Variants in STPG2 observed in about 807,000 individuals in gnomAD.
STPG2 encodes the protein sperm-tail PG-rich repeat-containing protein 2.
STPG2 carries 56 observed loss-of-function variants against 54.2 expected under a neutral mutation model. That is an observed-to-expected ratio of 1.03 (90% CI 0.83 to 1.29). STPG2 has a LOEUF of 1.29. Among genes scored for constraint, STPG2 ranks in the 50% most tolerant of loss-of-function variants. The probability of loss-of-function intolerance (pLI) is 0.00; values close to 1 mark genes in which losing one functional copy is unlikely to be tolerated. For missense variants in STPG2, 596 were observed against 544.9 expected, an observed-to-expected ratio of 1.09 and a Z score of -0.93; for synonymous variants, 200 against 181.8, an observed-to-expected ratio of 1.10 and a Z score of -0.81.
chr4:97,562,250 A>G (rs903297331), intron 10 of STPG2, among the ~76,000 whole-genome samples: 2 of 151,962 alleles, frequency 1.3e-5, no homozygotes, highest in Admixed American at 6.6e-5. Context: ...TTTGTCTGTT[A>G]TTGGTGTATA....
chr4:97,866,137 T>C (rs1391235043), intron 8 of STPG2, among the ~76,000 whole-genome samples: 1 of 151,786 alleles, frequency 6.6e-6, no homozygotes, highest in African/African-American at 2.4e-5. Context: ...TGGTTAGTGG[T>C]AAAAATATGG....
chr4:97,947,085 T>C (rs563358326), intron 7 of STPG2, among the ~76,000 whole-genome samples: 17 of 152,268 alleles, frequency 1.1e-4, no homozygotes, highest in Non-Finnish European at 2.2e-4. Context: ...TGTTTTGTAG[T>C]TCTCCTTGTA....
intron 9 of STPG2, among the ~76,000 whole-genome samples, chr4:97,715,934 C>T (rs1448890618): frequency 6.6e-6 from 1 of 152,136 alleles, no homozygotes; most frequent in Non-Finnish European, 1.5e-5. Flanking sequence ...AAAATTTTTG[C>T]AATCTACCCA....
chr4:97,691,841 C>T (rs2148989186), intron 10 of STPG2, among the ~76,000 whole-genome samples: 1 of 152,264 alleles, frequency 6.6e-6, no homozygotes, highest in Non-Finnish European at 1.5e-5. Context: ...CCATGGCTGA[C>T]AGACGTGAAG....
chr4:97,560,276 C>T (rs1273229686), intron 10 of STPG2, among the ~76,000 whole-genome samples: 1 of 152,134 alleles, frequency 6.6e-6, no homozygotes, highest in Non-Finnish European at 1.5e-5. Flanking sequence ...TGAAATATAA[C>T]TAGGAAAATT....
At chr4:98,046,566 G>C (rs1266465594) in intron 5 of STPG2, among the ~76,000 whole-genome samples, 1 of 152,142 alleles carries the variant, frequency 6.6e-6, no homozygotes, top group Non-Finnish European at 1.5e-5. Context: ...TCCCCCAGGA[G>C]ATTAGGGTGT....
chr4:97,686,218 T>G (rs2148983856), intron 10 of STPG2, among the ~76,000 whole-genome samples: 1 of 152,008 alleles, frequency 6.6e-6, no homozygotes, highest in South Asian at 2.1e-4. Context: ...TCTTCCAAGA[T>G]GCTCCTTTCC....
intron 9 of STPG2, among the ~76,000 whole-genome samples, chr4:97,808,769 T>C (rs1578583375): frequency 7.0e-6 from 1 of 142,286 alleles, no homozygotes; most frequent in South Asian, 2.2e-4. Flanking sequence ...AAGAAAAAAA[T>C]GTCAAAAAAG....
chr4:98,026,093 T>C, intron 5 of STPG2: 1 of 1,371,746 alleles, frequency 7.3e-7, no homozygotes, highest in Non-Finnish European at 1.0e-6. Context: ...GATGGAGATG[T>C]ATAGGAAAGC....
intron 9 of STPG2, among the ~76,000 whole-genome samples, chr4:97,748,984 C>A (rs1725500690): frequency 6.6e-6 from 1 of 151,556 alleles, no homozygotes; most frequent in African/African-American, 2.4e-5. Context: ...ATTTCATATA[C>A]ACCCTGGGCT....
intron 9 of STPG2, among the ~76,000 whole-genome samples, chr4:97,839,860 G>C (rs1728743880): frequency 6.6e-6 from 1 of 151,506 alleles, no homozygotes; most frequent in Non-Finnish European, 1.5e-5. Context: ...GGAAAAAAGA[G>C]TTTCTTCATT....
At chr4:97,795,247 G>A (rs2149083976) in intron 9 of STPG2, among the ~76,000 whole-genome samples, 1 of 152,160 alleles carries the variant, frequency 6.6e-6, no homozygotes, top group South Asian at 2.1e-4. Context: ...TGCACCACGT[G>A]CAGGTTTGTT....
chr4:97,894,541 G>A (rs1730889265), intron 8 of STPG2, among the ~76,000 whole-genome samples: 1 of 151,794 alleles, frequency 6.6e-6, no homozygotes, highest in Non-Finnish European at 1.5e-5. Context: ...TTTCTGATGG[G>A]TTCAACTTTT....
intron 9 of STPG2, among the ~76,000 whole-genome samples, chr4:97,763,820 G>A (rs530338496): frequency 6.6e-6 from 1 of 152,208 alleles, no homozygotes; most frequent in Admixed American, 6.5e-5. Flanking sequence ...TATTTCTATT[G>A]ATTTTTCTTG....
Position 97,558,967 on chromosome 4 carries a change from C to G in STPG2, c.*91G>C. On this transcript the variant is annotated 3_prime_UTR_variant, in exon 11 of 11. Coordinates refer to ENST00000295268, the MANE Select transcript of STPG2 (RefSeq NM_174952.3). Reference sequence around the variant, plus strand: ...ACAAGTGAAAATTATGCTTTTATTACTCCTATATTTGGAATAAATTTTGTT... The same window carrying G: ...ACAAGTGAAAATTATGCTTTTATTAGTCCTATATTTGGAATAAATTTTGTT... The G allele has an allele frequency of 2.9e-6, 3 of 1,030,940 alleles. No individual in the cohort carries two copies. In the South Asian group the frequency reaches 4.3e-5, roughly 15 times the overall value. The allele number at this position is 1,030,940 out of a possible 1,614,324, so 63.9% of individuals were successfully genotyped here.
intron 4 of STPG2, among the ~76,000 whole-genome samples, chr4:97,461,894 A>G (rs1729673291): frequency 6.6e-6 from 1 of 152,022 alleles, no homozygotes; most frequent in Admixed American, 6.6e-5. Context: ...TCTCTGTGTC[A>G]TGCCCTTCCA....
intron 1 of STPG2, among the ~76,000 whole-genome samples, chr4:98,141,878 C>T (rs1326297034): frequency 7.3e-6 from 1 of 137,850 alleles, no homozygotes; most frequent in African/African-American, 2.8e-5. Context: ...CCTGATTCGG[C>T]ATTTAACAAA....
chr4:97,947,837 T>G (rs995405075), intron 7 of STPG2, among the ~76,000 whole-genome samples: 5 of 152,122 alleles, frequency 3.3e-5, no homozygotes, highest in Admixed American at 3.3e-4. Context: ...TGCATCTACA[T>G]TCATCAGGGA....
At chr4:98,055,370 G>A (rs1331493213) in intron 5 of STPG2, among the ~76,000 whole-genome samples, 1 of 152,020 alleles carries the variant, frequency 6.6e-6, no homozygotes, top group Non-Finnish European at 1.5e-5. Flanking sequence ...GATCTTCAGA[G>A]GGAAGGTGCT....
Sources: allele counts gnomAD v4.1 joint callset (sites outside exome capture counted in the v4.1 genomes callset), GRCh38; gene constraint gnomAD v4.1.1; transcripts MANE v1.5; gene names NCBI Gene and HGNC (gene_info 2026-07-23, HGNC 2026-07-21).